CYSLTR2: variants seen among roughly 807,000 people sequenced by gnomAD.
The protein encoded by CYSLTR2 is cysteinyl leukotriene receptor 2, also known as G-protein coupled receptor GPCR21.
For synonymous variants in CYSLTR2, 179 were observed against 160.8 expected (o/e 1.11, Z -0.86); for missense variants, 398 against 411.9 (o/e 0.97, Z 0.29).
chr13:48,666,241 C>G (rs932202486), intron 1 of CYSLTR2, among the ~76,000 whole-genome samples: 1 of 152,224 alleles, frequency 6.6e-6, no homozygotes, highest in Non-Finnish European at 1.5e-5. Context: ...CTCTTGACCT[C>G]TAAGGTTTCT....
chr13:48,685,132 A>G (rs1280001174), intron 1 of CYSLTR2, among the ~76,000 whole-genome samples: 5 of 152,212 alleles, frequency 3.3e-5, no homozygotes, highest in Non-Finnish European at 5.9e-5. Context: ...TACAGGAAGC[A>G]TGGCGGCATC....
intron 1 of CYSLTR2, among the ~76,000 whole-genome samples, chr13:48,673,518 T>G (rs1833719255): frequency 6.6e-6 from 1 of 151,140 alleles, no homozygotes; most frequent in Non-Finnish European, 1.5e-5. Flanking sequence ...ATGTGTGTCT[T>G]TGCATATGGG....
chr13:48,690,237 C>T (rs768976595), intron 1 of CYSLTR2, among the ~76,000 whole-genome samples: 4 of 151,986 alleles, frequency 2.6e-5, no homozygotes, highest in Admixed American at 1.3e-4. Flanking sequence ...ATTTGGATAC[C>T]CTTTATTTCT....
At chr13:48,656,290 C>T (rs113593221) in intron 1 of CYSLTR2, among the ~76,000 whole-genome samples, 2 of 152,256 alleles carry the variant, frequency 1.3e-5, no homozygotes, top group African/African-American at 2.4e-5. Context: ...ATAAAGAAGG[C>T]TCCTGTTTAA....
intron 4 of CYSLTR2, among the ~76,000 whole-genome samples, chr13:48,699,526 G>A (rs1270046941): frequency 6.6e-6 from 1 of 152,202 alleles, no homozygotes; most frequent in Non-Finnish European, 1.5e-5. Flanking sequence ...GCAGTGTGTA[G>A]AGGGAAATTT....
At chr13:48,685,281 C>T (rs568740952) in intron 1 of CYSLTR2, among the ~76,000 whole-genome samples, 1 of 151,936 alleles carries the variant, frequency 6.6e-6, no homozygotes, top group South Asian at 2.1e-4. Context: ...AACTCACTCA[C>T]GAGAACTCAC....
At chr13:48,692,866 T>G (rs569242089) in intron 2 of CYSLTR2, among the ~76,000 whole-genome samples, 329 of 151,738 alleles carry the variant, frequency 2.2e-3, no homozygotes, top group African/African-American at 7.7e-3. Context: ...GTTAATCTAT[T>G]GTCATTTTAA....
intron 1 of CYSLTR2, among the ~76,000 whole-genome samples, chr13:48,683,007 G>T (rs1953797606): frequency 6.6e-6 from 1 of 152,120 alleles, no homozygotes. Context: ...ATGTAAGTTT[G>T]CTAAGGATAA....
intron 1 of CYSLTR2, among the ~76,000 whole-genome samples, chr13:48,663,114 G>T (rs975918045): frequency 2.6e-5 from 4 of 152,022 alleles, no homozygotes; most frequent in Non-Finnish European, 4.4e-5. Flanking sequence ...TTTCCCCAAT[G>T]AGTATTCTTG....
intron 1 of CYSLTR2, among the ~76,000 whole-genome samples, chr13:48,685,682 G>T (rs1317709622): frequency 6.6e-6 from 1 of 152,056 alleles, no homozygotes; most frequent in African/African-American, 2.4e-5. Flanking sequence ...TCCCTTGCTG[G>T]TTGATCTAGC....
At position 48,709,153 on chromosome 13, in the gene CYSLTR2, C is replaced by T. The variant is rs1954577577; in HGVS notation, c.*1295C>T. ...TGTGCAGAAGTGTTGGCTGGGTGCT[C>T]TCCCCACCACTACCCTTGTAAACTT... On this transcript the variant is annotated 3_prime_UTR_variant, in exon 5 of 5. Coordinates refer to ENST00000682523, the MANE Select transcript of CYSLTR2 (RefSeq NM_001308476.3). 1 of 167,076 alleles carries T rather than the reference C, an allele frequency of 6.0e-6. No individual in the cohort carries two copies. Among genetic ancestry groups the T allele is most frequent in the African/African-American group, 2.4e-5 (1 of 41,446 alleles). 10.3% of individuals were successfully genotyped at this position (167,076 alleles called of 1,614,324 possible). A position where few individuals can be genotyped will look rare whatever the true frequency, so the allele number is the denominator to read the frequency against.
chr13:48,701,009 A>G (rs1954328313), intron 4 of CYSLTR2, among the ~76,000 whole-genome samples: 1 of 152,198 alleles, frequency 6.6e-6, no homozygotes, highest in African/African-American at 2.4e-5. Flanking sequence ...ATAAAAGAGG[A>G]CACAAACAAA....
intron 1 of CYSLTR2, among the ~76,000 whole-genome samples, chr13:48,687,440 G>A (rs145122500): frequency 1.8e-4 from 27 of 150,930 alleles, no homozygotes; most frequent in African/African-American, 6.3e-4. Flanking sequence ...ATTATCTATC[G>A]ATTATCATCT....
At position 48,700,578 on chromosome 13, in the gene CYSLTR2, T is replaced by A. The variant is rs561276541; in HGVS notation, c.-2+3952T>A. Among the ~76,000 whole-genome samples the A allele has an allele frequency of 6.6e-5, 10 of 151,956 alleles. No homozygotes were observed. In the South Asian group the frequency reaches 2.1e-3, roughly 32 times the overall value. On this transcript the variant is annotated intron_variant, in intron 4 of 4. Coordinates refer to ENST00000682523, the MANE Select transcript of CYSLTR2 (RefSeq NM_001308476.3). ...CAATATCATACTGAATGGGCAAAAA[T>A]TGGAAGCATTCCCTTTGAAAACTGG...
chr13:48,684,823 T>G (rs1186187417), intron 1 of CYSLTR2, among the ~76,000 whole-genome samples: 1 of 152,030 alleles, frequency 6.6e-6, no homozygotes, highest in Non-Finnish European at 1.5e-5. Flanking sequence ...ACTAGTGTCC[T>G]TATAAGAAAA....
chr13:48,695,687 G>C (rs1954166773), intron 3 of CYSLTR2, among the ~76,000 whole-genome samples: 1 of 152,108 alleles, frequency 6.6e-6, no homozygotes, highest in South Asian at 2.1e-4. Context: ...TGTATGATTA[G>C]TTTTTATTTT....
intron 1 of CYSLTR2, among the ~76,000 whole-genome samples, chr13:48,682,691 G>C (rs1223177022): frequency 3.3e-5 from 5 of 152,054 alleles, no homozygotes; most frequent in Non-Finnish European, 4.4e-5. Flanking sequence ...GAACTCATAG[G>C]GAACTACACC....
At chr13:48,693,799 A>G (rs558124966) in intron 3 of CYSLTR2, among the ~76,000 whole-genome samples, 1 of 152,370 alleles carries the variant, frequency 6.6e-6, no homozygotes, top group Admixed American at 6.5e-5. Context: ...AGGAGGGGCT[A>G]TCACCAACTT....
intron 1 of CYSLTR2, among the ~76,000 whole-genome samples, chr13:48,665,950 G>C (rs1289073942): frequency 6.6e-6 from 1 of 151,920 alleles, no homozygotes; most frequent in Non-Finnish European, 1.5e-5. Flanking sequence ...TGGTGATAAG[G>C]CTTGATTCCT....
Sources: allele counts gnomAD v4.1 joint callset (sites outside exome capture counted in the v4.1 genomes callset), GRCh38; gene constraint gnomAD v4.1.1; transcripts MANE v1.5; gene names NCBI Gene and HGNC (gene_info 2026-07-23, HGNC 2026-07-21).